DMXL2: variants seen among roughly 807,000 people sequenced by gnomAD.
DMXL2 encodes the protein Dmx like 2, also known as dmX-like protein 2.
In DMXL2, 103 loss-of-function variants were observed where a neutral mutation model predicts 331.1. The ratio of observed to expected loss-of-function variants is 0.31; its 90% CI spans 0.27 to 0.37. The LOEUF is 0.37. DMXL2 is among the 10% of genes least tolerant of loss of function. The probability of loss-of-function intolerance (pLI) is 1.00; values close to 1 mark genes in which losing one functional copy is unlikely to be tolerated. For synonymous variants in DMXL2, 1,281 were observed against 1,252.1 expected (o/e 1.02, Z -0.49); for missense variants, 3,171 against 3,642.9 (o/e 0.87, Z 3.33).
Position 51,492,577 on chromosome 15 carries a change from C to T in DMXL2, c.4784-830G>A, listed in dbSNP as rs191886022. 8.4e-3 allele frequency among the ~76,000 whole-genome samples: 1,274 copies of T among 152,162 alleles called. 6 individuals carry two copies. Among genetic ancestry groups the T allele is most frequent in the Non-Finnish European group, 0.014 (953 of 67,998 alleles). On this transcript the variant is annotated intron_variant, in intron 19 of 43. Coordinates refer to ENST00000560891, the MANE Select transcript of DMXL2 (RefSeq NM_001378457.1). ...CAAAATCTTTACTGACGCTATTAGA[C>T]TTTTAAGTACTAATGGATTTATCAA...
chr15:51,475,423 G>A (rs1343682442), intron 27 of DMXL2, among the ~76,000 whole-genome samples: 1 of 152,108 alleles, frequency 6.6e-6, no homozygotes, highest in Non-Finnish European at 1.5e-5. Flanking sequence ...GAACCCAGGA[G>A]GCGGAAGTTG....
At chr15:51,459,482 A>G in intron 34 of DMXL2, 116 bp downstream of exon 34, 1 of 770,384 alleles carries the variant, frequency 1.3e-6, no homozygotes, top group South Asian at 1.5e-5. Context: ...GTATGGGAGT[A>G]CTATGAGTTC....
intron 1 of DMXL2, among the ~76,000 whole-genome samples, chr15:51,615,473 T>C (rs2054234068): frequency 6.6e-6 from 1 of 152,208 alleles, no homozygotes; most frequent in Non-Finnish European, 1.5e-5. Flanking sequence ...GACTATCCCG[T>C]GCACTGTAGG....
chr15:51,471,115 G>A (rs2041068628), intron 29 of DMXL2, 108 bp downstream of exon 29: 4 of 1,045,476 alleles, frequency 3.8e-6, no homozygotes, highest in Non-Finnish European at 5.5e-6. Flanking sequence ...CTAAACTATG[G>A]TGATTCAATC....
At position 51,447,844 on chromosome 15, in the gene DMXL2, T is replaced by C. The variant is rs2038814893; in HGVS notation, c.*1140A>G. On this transcript the variant is annotated 3_prime_UTR_variant, in exon 44 of 44. Coordinates refer to ENST00000560891, the MANE Select transcript of DMXL2 (RefSeq NM_001378457.1). ...ACATATATATTTCACAGCCTGAACA[T>C]CACATCTTCAGAGAAAGTTACTTTT... The C allele has an allele frequency of 6.6e-6, 1 of 152,662 alleles. No individual in the cohort carries two copies. The highest frequency in any genetic ancestry group is 1.5e-5 in the Non-Finnish European group (1 of 68,044). 9.5% of individuals were successfully genotyped at this position (152,662 alleles called of 1,614,324 possible).
intron 23 of DMXL2, among the ~76,000 whole-genome samples, chr15:51,484,130 G>C (rs1265216990): frequency 1.3e-5 from 2 of 152,060 alleles, no homozygotes; most frequent in Admixed American, 6.5e-5. Context: ...TCGTGTCATG[G>C]GCCTGAGAAA....
At chr15:51,464,312 A>G (rs959377952) in intron 32 of DMXL2, among the ~76,000 whole-genome samples, 1 of 152,110 alleles carries the variant, frequency 6.6e-6, no homozygotes, top group African/African-American at 2.4e-5. Context: ...GGTGAAAAAG[A>G]TGGGTTGAGC....
chr15:51,538,519 A>C, intron 9 of DMXL2, 67 bp from the exon 10 acceptor site: 1 of 1,279,326 alleles, frequency 7.8e-7, no homozygotes. Flanking sequence ...AAGTGCTTAC[A>C]ATGACTAATC....
At chr15:51,564,965 A>T in intron 4 of DMXL2, 123 bp downstream of exon 4, 1 of 587,188 alleles carries the variant, frequency 1.7e-6, no homozygotes, top group Non-Finnish European at 2.7e-6. Flanking sequence ...AATTATATTC[A>T]TCAACAAAAA....
chr15:51,580,648 G>A (rs1360580913), intron 1 of DMXL2, among the ~76,000 whole-genome samples: 1 of 152,162 alleles, frequency 6.6e-6, no homozygotes, highest in Non-Finnish European at 1.5e-5. Context: ...AAGAAAAGAG[G>A]AAGAGTCTTA....
chr15:51,549,791 ATTT>A (rs2049100375), intron 6 of DMXL2, among the ~76,000 whole-genome samples: 1 of 152,056 alleles, frequency 6.6e-6, no homozygotes, highest in Admixed American at 6.6e-5. Context: ...TCCTCAGTCC[ATTT>A]TTTGATGGGA....
rs1424909547 is a variant in DMXL2 at position 51,519,385 on chromosome 15, T to C, written c.2437-2218A>G. 2.0e-5 allele frequency among the ~76,000 whole-genome samples: 3 copies of C among 152,268 alleles called. No individual in the cohort carries two copies. The East Asian group carries it at 5.8e-4, about 29-fold the overall frequency. On this transcript the variant is annotated intron_variant, in intron 13 of 43. Coordinates refer to ENST00000560891, the MANE Select transcript of DMXL2 (RefSeq NM_001378457.1). ...CTCCCACCTCAGCCTCCCAAAGCACTGGGATTACAGGCATAAACCACCACA... is the reference window on the plus strand; with the variant it reads ...CTCCCACCTCAGCCTCCCAAAGCACCGGGATTACAGGCATAAACCACCACA...
In DMXL2 at chr15:51,556,655, C is replaced by T. The variant is rs574811990; in HGVS notation, c.567+6726G>A. Among the ~76,000 whole-genome samples, 7 of 151,914 alleles carry T rather than the reference C, an allele frequency of 4.6e-5. No homozygotes were observed. In the South Asian group the frequency reaches 1.5e-3, roughly 32 times the overall value. On this transcript the variant is annotated intron_variant, in intron 6 of 43. Coordinates refer to ENST00000560891, the MANE Select transcript of DMXL2 (RefSeq NM_001378457.1). ...GGCATGGTGATGGGTGCCTGTAGTC[C>T]CAGCTACTTGGGAAGCTGAAATGGG...
chr15:51,615,374 G>C (rs918199358), intron 1 of DMXL2, among the ~76,000 whole-genome samples: 1 of 152,222 alleles, frequency 6.6e-6, no homozygotes, highest in African/African-American at 2.4e-5. Context: ...GAGTAGGAAA[G>C]AGAGATGCAA....
At chr15:51,535,227 T>C (rs1156233833) in intron 13 of DMXL2, among the ~76,000 whole-genome samples, 2 of 152,170 alleles carry the variant, frequency 1.3e-5, no homozygotes, top group Non-Finnish European at 2.9e-5. Flanking sequence ...CAGAATGAGA[T>C]GCTGCCACCC....
intron 1 of DMXL2, among the ~76,000 whole-genome samples, chr15:51,591,170 T>A (rs1449203730): frequency 6.6e-6 from 1 of 152,212 alleles, no homozygotes; most frequent in African/African-American, 2.4e-5. Context: ...GGTCAGGGAA[T>A]TCCCTTTCCT....
At chr15:51,534,754 G>C (rs1270799217) in intron 13 of DMXL2, among the ~76,000 whole-genome samples, 3 of 152,064 alleles carry the variant, frequency 2.0e-5, no homozygotes, top group South Asian at 2.1e-4. Context: ...CTTACTTCCA[G>C]GCAATTTTCT....
chr15:51,488,496 C>T, intron 21 of DMXL2, 52 bp downstream of exon 21: 2 of 1,472,738 alleles, frequency 1.4e-6, no homozygotes, highest in Non-Finnish European at 1.9e-6. Flanking sequence ...GTTTCTTACT[C>T]ACAGCACAAT....
intron 1 of DMXL2, chr15:51,603,475 A>G (rs1959183697): frequency 6.6e-6 from 1 of 152,182 alleles, no homozygotes; most frequent in African/African-American, 2.4e-5. Flanking sequence ...CCTTCTGAAA[A>G]AGAAAACTCC....
Sources: gnomAD v4.1 joint callset for allele counts (sites outside exome capture counted in the v4.1 genomes callset) on GRCh38, gnomAD v4.1.1 for gene constraint, MANE v1.5 for transcripts, NCBI Gene and HGNC (gene_info 2026-07-23, HGNC 2026-07-21) for gene names.